The following SORT1 variants were observed in gnomAD, a reference collection of about 807,000 sequenced individuals.
The protein encoded by SORT1 is sortilin.
In SORT1, 39 loss-of-function variants were observed where a neutral mutation model predicts 101.7. The observed-to-expected ratio is 0.38, with a 90% CI of 0.30 to 0.50. SORT1 has a LOEUF of 0.50. Ranked by LOEUF, SORT1 falls within the 20% of genes least tolerant of loss-of-function variation. The probability of loss-of-function intolerance (pLI) is 0.90; values close to 1 mark genes in which losing one functional copy is unlikely to be tolerated. For synonymous variants in SORT1, 396 were observed against 393.7 expected, an observed-to-expected ratio of 1.01 and a Z score of -0.07; for missense variants, 878 against 1,040.4, an observed-to-expected ratio of 0.84 and a Z score of 2.15.
At position 109,342,114 on chromosome 1, in the gene SORT1, T is replaced by G; in HGVS notation, c.1008A>C (p.Thr336=). The part of the protein sequence containing the change: ...RIHVSTDQGD[T]WSMAQLPSVG... ...CGGAGGGGAGCTGGGCCATGCTCCA[T>G]GTGTCCCCTTGATCTGTTGAAACGT... The change falls in exon 9 of 20, where the codon ACA becomes ACC. Residue 336 remains threonine (T), a synonymous_variant. Transcript: ENST00000256637. 1 of 1,611,104 alleles carries G rather than the reference T, an allele frequency of 6.2e-7. No homozygotes were observed. The highest frequency in any genetic ancestry group is 8.5e-7 in the Non-Finnish European group (1 of 1,177,302).
intron 1 of SORT1, among the ~76,000 whole-genome samples, chr1:109,376,161 TCTA>T (rs1011441611): frequency 3.1e-4 from 47 of 151,930 alleles, no homozygotes; most frequent in African/African-American, 1.1e-3. Context: ...AAACCCCGTC[TCTA>T]CTAAAAATAC....
Position 109,311,875 on chromosome 1 carries a change from A to G in SORT1, c.*2168T>C, listed in dbSNP as rs1240446087. ...ATTTCCAAGAGTTCTGAAGACAGCC[A>G]GCCAGCACTGCTTATCACACACACG... On this transcript the variant is annotated 3_prime_UTR_variant, in exon 20 of 20. Coordinates refer to ENST00000256637, the MANE Select transcript of SORT1 (RefSeq NM_002959.7). 6.5e-6 allele frequency: 1 copy of G among 152,682 alleles called. No homozygotes were observed. The highest frequency in any genetic ancestry group is 1.5e-5 in the Non-Finnish European group (1 of 68,072). The allele number at this position is 152,682 out of a possible 1,614,324, so 9.5% of individuals were successfully genotyped here.
chr1:109,314,514 A>C (rs1658921177), intron 18 of SORT1, 130 bp from the exon 19 acceptor site: 1 of 1,235,522 alleles, frequency 8.1e-7, no homozygotes, highest in African/African-American at 1.5e-5. Context: ...TCCATGGTTG[A>C]CATATGAAAA....
chr1:109,344,943 C>G (rs770237223), intron 8 of SORT1, among the ~76,000 whole-genome samples: 4 of 152,118 alleles, frequency 2.6e-5, no homozygotes, highest in African/African-American at 7.2e-5. Flanking sequence ...GGGATCCACC[C>G]GCCTCAGCCT....
intron 8 of SORT1, 140 bp from the exon 9 acceptor site, chr1:109,342,298 C>T: frequency 1.5e-6 from 1 of 670,734 alleles, no homozygotes; most frequent in Non-Finnish European, 2.5e-6. Context: ...GGTCATAGTA[C>T]CAATTACCAA....
chr1:109,341,882 T>C, intron 9 of SORT1, 132 bp downstream of exon 9: 1 of 859,826 alleles, frequency 1.2e-6, no homozygotes. Context: ...ACAGATGATC[T>C]CTAGGACAGA....
chr1:109,321,179 G>A (rs1412237419), intron 15 of SORT1, among the ~76,000 whole-genome samples: 3 of 152,150 alleles, frequency 2.0e-5, no homozygotes, highest in Admixed American at 6.5e-5. Flanking sequence ...CAAGGAATTT[G>A]GGGCTTAATG....
chr1:109,314,032 C>A lies in SORT1; in HGVS notation c.*11G>T. On this transcript the variant is annotated 3_prime_UTR_variant, in exon 20 of 20. Coordinates refer to ENST00000256637, the MANE Select transcript of SORT1 (RefSeq NM_002959.7). ...TCCACCATCCATGCTGGGTCCAGCT[C>A]CTCTGAAGAGCTATTCCAAGAGGTC... The A allele has an allele frequency of 3.7e-6, 6 of 1,613,894 alleles. No individual in the cohort carries two copies. In the South Asian group the frequency reaches 6.6e-5, roughly 18 times the overall value.
intron 5 of SORT1, among the ~76,000 whole-genome samples, chr1:109,352,161 A>C (rs1185985872): frequency 6.6e-6 from 1 of 152,178 alleles, no homozygotes; most frequent in Non-Finnish European, 1.5e-5. Flanking sequence ...AATTGATTTA[A>C]GGTGCTTGTG....
intron 10 of SORT1, among the ~76,000 whole-genome samples, chr1:109,337,151 T>C (rs1303622602): frequency 2.0e-5 from 3 of 152,232 alleles, no homozygotes; most frequent in Non-Finnish European, 4.4e-5. Context: ...CTTTCTTTTT[T>C]CCCTCGTCTC....
intron 15 of SORT1, among the ~76,000 whole-genome samples, chr1:109,318,217 G>A (rs1356267236): frequency 6.6e-6 from 1 of 151,046 alleles, no homozygotes; most frequent in Non-Finnish European, 1.5e-5. Flanking sequence ...GCAGTGGCGT[G>A]TTCTTGGCTC....
intron 3 of SORT1, among the ~76,000 whole-genome samples, chr1:109,365,114 G>A (rs529135386): frequency 1.4e-4 from 21 of 152,288 alleles, no homozygotes; most frequent in African/African-American, 4.6e-4. Flanking sequence ...AAGATTACAC[G>A]TGGCTGTATG....
intron 1 of SORT1, among the ~76,000 whole-genome samples, chr1:109,395,295 G>A (rs899964855): frequency 1.5e-5 from 2 of 131,718 alleles, no homozygotes; most frequent in Non-Finnish European, 3.1e-5. Flanking sequence ...ATCTCGGCTC[G>A]CTGCAACCTC....
At chr1:109,336,097 A>C (rs1156666315) in intron 11 of SORT1, 143 bp downstream of exon 11, 1 of 596,816 alleles carries the variant, frequency 1.7e-6, no homozygotes, top group Non-Finnish European at 3.0e-6. Context: ...ATTCTAAGTT[A>C]ATTTCATTAC....
In SORT1 at chr1:109,313,707, G is replaced by A. The variant is rs1467228667; in HGVS notation, c.*336C>T. 1.4e-5 allele frequency: 5 copies of A among 345,922 alleles called. No homozygotes were observed. The highest frequency in any genetic ancestry group is 2.1e-5 in the African/African-American group (1 of 46,866). 21.4% of individuals were successfully genotyped at this position (345,922 alleles called of 1,614,324 possible). A position where few individuals can be genotyped will look rare whatever the true frequency, so the allele number is the denominator to read the frequency against. On this transcript the variant is annotated 3_prime_UTR_variant, in exon 20 of 20. Transcript: ENST00000256637. The stretch of plus-strand genomic sequence containing the variant: ...GCGCCATGCAGAACACACAGAAGTG[G>A]GGTTAGTGAAAAGGTCCCTTCGAAT...
At chr1:109,339,785 A>G (rs1649087877) in intron 10 of SORT1, among the ~76,000 whole-genome samples, 1 of 152,224 alleles carries the variant, frequency 6.6e-6, no homozygotes, top group Admixed American at 6.5e-5. Context: ...CATGTATAAC[A>G]ATGTTCATGG....
chr1:109,353,162 C>T (rs1650074417), intron 5 of SORT1, among the ~76,000 whole-genome samples: 1 of 151,816 alleles, frequency 6.6e-6, no homozygotes, highest in African/African-American at 2.4e-5. Context: ...CCTGTCTCTA[C>T]TAAAAATACA....
chr1:109,364,355 G>T (rs1453694058), intron 3 of SORT1, among the ~76,000 whole-genome samples: 4 of 152,168 alleles, frequency 2.6e-5, no homozygotes, highest in Admixed American at 2.6e-4. Context: ...AGAGAAAGAG[G>T]CATTTAACAA....
intron 5 of SORT1, 39 bp downstream of exon 5, chr1:109,354,328 A>C: frequency 6.4e-7 from 1 of 1,551,118 alleles, no homozygotes; most frequent in African/African-American, 1.4e-5. Flanking sequence ...TGAGACTATA[A>C]AATGCAAAAG....
Sources: allele counts gnomAD v4.1 joint callset (sites outside exome capture counted in the v4.1 genomes callset), GRCh38; gene constraint gnomAD v4.1.1; transcripts MANE v1.5; gene names NCBI Gene and HGNC (gene_info 2026-07-23, HGNC 2026-07-21).